PPARG: variants seen among roughly 807,000 people sequenced by gnomAD.
PPARG encodes the protein peroxisome proliferator-activated receptor gamma.
In PPARG, 17 loss-of-function variants were observed where a neutral mutation model predicts 39.2. The ratio of observed to expected loss-of-function variants is 0.43; its 90% CI spans 0.30 to 0.65. The LOEUF is 0.65. PPARG is among the 30% of genes least tolerant of loss of function. The pLI, the probability that PPARG is intolerant of heterozygous loss-of-function variation, is 0.13. For synonymous variants in PPARG, 223 were observed against 215.7 expected, an observed-to-expected ratio of 1.03 and a Z score of -0.30; for missense variants, 406 against 585.9, an observed-to-expected ratio of 0.69 and a Z score of 3.17.
intron 7 of PPARG, among the ~76,000 whole-genome samples, chr3:12,430,982 C>A (rs2051640493): frequency 6.6e-6 from 1 of 151,984 alleles, no homozygotes; most frequent in African/African-American, 2.4e-5. Context: ...TGACCAGGAC[C>A]AGGTCATGAA....
At chr3:12,363,909 G>A (rs1318927449) in intron 2 of PPARG, among the ~76,000 whole-genome samples, 5 of 151,830 alleles carry the variant, frequency 3.3e-5, no homozygotes, top group African/African-American at 1.2e-4. Flanking sequence ...TATTTTTAGG[G>A]CAGTTTTAGT....
chr3:12,359,674 C>CTTTTTTTTTTT (rs71628752), intron 2 of PPARG, among the ~76,000 whole-genome samples: 25 of 129,826 alleles, frequency 1.9e-4, no homozygotes, highest in African/African-American at 5.5e-4. Context: ...TCTTTTATTT[C>CTTTTTTTTTTT]TTTTTTTTTT....
In PPARG at chr3:12,392,816, C is replaced by T. The variant is rs533410796; in HGVS notation, c.529+64C>T. 8 of 1,596,750 alleles carry T rather than the reference C, an allele frequency of 5.0e-6. No individual in the cohort carries two copies. In the African/African-American group the frequency reaches 5.4e-5, roughly 11 times the overall value. ...ATTATAGCTGCCAGACCAGTGGACACTAAAGCCATTGCCAAAAATGTGTAC... is the reference window on the plus strand; with the variant it reads ...ATTATAGCTGCCAGACCAGTGGACATTAAAGCCATTGCCAAAAATGTGTAC... On this transcript the variant is annotated intron_variant, in intron 5 of 7. Transcript: ENST00000651735.
At chr3:12,427,643 C>T (rs2051498566) in intron 7 of PPARG, among the ~76,000 whole-genome samples, 2 of 152,188 alleles carry the variant, frequency 1.3e-5, no homozygotes, top group Non-Finnish European at 1.5e-5. Context: ...GATGATTTGT[C>T]CACAGGCACA....
At chr3:12,398,891 A>G (rs539501126) in intron 5 of PPARG, among the ~76,000 whole-genome samples, 2 of 152,372 alleles carry the variant, frequency 1.3e-5, no homozygotes, top group South Asian at 4.1e-4. Flanking sequence ...GTGAATAGAA[A>G]GTGACAAACA....
At chr3:12,379,375 C>G (rs561241966) in intron 2 of PPARG, among the ~76,000 whole-genome samples, 4 of 152,286 alleles carry the variant, frequency 2.6e-5, no homozygotes, top group African/African-American at 9.6e-5. Flanking sequence ...AAATAAATAA[C>G]AGCAGTCATT....
intron 2 of PPARG, among the ~76,000 whole-genome samples, chr3:12,334,742 G>A (rs1559497583): frequency 6.6e-6 from 1 of 151,992 alleles, no homozygotes; most frequent in African/African-American, 2.4e-5. Context: ...TTTAGTCAAA[G>A]CCCCCCTGTC....
chr3:12,309,998 G>T (rs1307053061), intron 1 of PPARG, among the ~76,000 whole-genome samples: 1 of 152,184 alleles, frequency 6.6e-6, no homozygotes, highest in Non-Finnish European at 1.5e-5. Flanking sequence ...TGACCAGATG[G>T]CAGAGGTGAA....
At chr3:12,374,628 GA>G (rs1237577529) in intron 2 of PPARG, among the ~76,000 whole-genome samples, 1 of 151,820 alleles carries the variant, frequency 6.6e-6, no homozygotes, top group East Asian at 1.9e-4. Flanking sequence ...CAAAAATGTA[GA>G]ACTATGCAAC....
chr3:12,417,901 C>CTTTTTTTTTTTTTTTTTTT, intron 7 of PPARG, among the ~76,000 whole-genome samples: 1 of 46,138 alleles, frequency 2.2e-5, no homozygotes. Context: ...TTTTTTTTTT[C>CTTTTTTTTTTTTTTTTTTT]CTTTTTTTTT....
intron 2 of PPARG, among the ~76,000 whole-genome samples, chr3:12,361,525 G>A (rs1439449610): frequency 6.6e-6 from 1 of 152,184 alleles, no homozygotes; most frequent in South Asian, 2.1e-4. Context: ...TGACTTTTGT[G>A]TATGTTGTAA....
intron 1 of PPARG, among the ~76,000 whole-genome samples, chr3:12,295,766 C>T (rs553791960): frequency 1.3e-5 from 2 of 152,048 alleles, no homozygotes; most frequent in South Asian, 4.2e-4. Context: ...CCACCTGCCT[C>T]GGCCTCCCAA....
chr3:12,353,265 A>G (rs1449391070), intron 2 of PPARG, among the ~76,000 whole-genome samples: 2 of 152,212 alleles, frequency 1.3e-5, no homozygotes, highest in East Asian at 3.8e-4. Context: ...TTTTGTACCA[A>G]TAATTTAACC....
chr3:12,310,013 C>T (rs1229965272), intron 1 of PPARG, among the ~76,000 whole-genome samples: 3 of 152,130 alleles, frequency 2.0e-5, no homozygotes, highest in Non-Finnish European at 1.5e-5. Context: ...GGTGAAAGAA[C>T]GGCAATCCTT....
chr3:12,392,878 A>G, intron 5 of PPARG, 126 bp downstream of exon 5: 1 of 1,181,042 alleles, frequency 8.5e-7, no homozygotes. Flanking sequence ...AGAATATTGC[A>G]TGGCGATAAA....
At chr3:12,327,629 T>A (rs2047732052) in intron 2 of PPARG, among the ~76,000 whole-genome samples, 1 of 152,212 alleles carries the variant, frequency 6.6e-6, no homozygotes, top group East Asian at 1.9e-4. Flanking sequence ...TGAGAAAGGC[T>A]TCAGACCCAC....
chr3:12,370,890 C>G (rs753926788), intron 2 of PPARG, among the ~76,000 whole-genome samples: 1 of 152,118 alleles, frequency 6.6e-6, no homozygotes, highest in Non-Finnish European at 1.5e-5. Context: ...AATGAGTAAC[C>G]AAGAGGAGCT....
chr3:12,351,265 C>T (rs945490822), intron 2 of PPARG, among the ~76,000 whole-genome samples: 1 of 152,180 alleles, frequency 6.6e-6, no homozygotes, highest in South Asian at 2.1e-4. Flanking sequence ...GTTCACGCCC[C>T]TCACAAGACA....
At chr3:12,306,370 T>C (rs1439906418) in intron 1 of PPARG, among the ~76,000 whole-genome samples, 4 of 152,208 alleles carry the variant, frequency 2.6e-5, no homozygotes, top group Admixed American at 2.0e-4. Flanking sequence ...CATGGACTGC[T>C]ACTGCTTCAC....
Sources: gnomAD v4.1 joint callset for allele counts (sites outside exome capture counted in the v4.1 genomes callset) on GRCh38, gnomAD v4.1.1 for gene constraint, MANE v1.5 for transcripts, NCBI Gene and HGNC (gene_info 2026-07-23, HGNC 2026-07-21) for gene names.